Variants in CSNK1G1 observed in about 807,000 individuals in gnomAD.
The protein encoded by CSNK1G1 is casein kinase 1 gamma 1.
Under a neutral mutation model 59.6 loss-of-function variants are expected in CSNK1G1, and 22 were observed. That is an observed-to-expected ratio of 0.37 (90% CI 0.26 to 0.53). The LOEUF (loss-of-function observed/expected upper bound fraction) is 0.53, where lower values mean the gene tolerates loss of function less well. CSNK1G1 is among the 20% of genes least tolerant of loss of function. The pLI is 0.89. For synonymous variants in CSNK1G1, 179 were observed against 177.1 expected (o/e 1.01, Z -0.08); for missense variants, 384 against 519.5 (o/e 0.74, Z 2.54).
intron 1 of CSNK1G1, among the ~76,000 whole-genome samples, chr15:64,325,486 C>A (rs1435468854): frequency 6.6e-6 from 1 of 152,046 alleles, no homozygotes; most frequent in African/African-American, 2.4e-5. Context: ...TTACTTCATA[C>A]CAAGAGAAAC....
intron 3 of CSNK1G1, among the ~76,000 whole-genome samples, chr15:64,256,522 T>A (rs776961434): frequency 1.3e-5 from 2 of 152,158 alleles, no homozygotes; most frequent in East Asian, 3.8e-4. Flanking sequence ...GCTCAGCCAA[T>A]TGGGCTTCAA....
intron 2 of CSNK1G1, among the ~76,000 whole-genome samples, chr15:64,296,607 G>A (rs1161839361): frequency 6.6e-6 from 1 of 152,154 alleles, no homozygotes; most frequent in African/African-American, 2.4e-5. Context: ...GCTCACGCCT[G>A]TAATCCTAGC....
At position 64,314,195 on chromosome 15, in the gene CSNK1G1, C is replaced by T. The variant is rs113346290; in HGVS notation, c.-224-13472G>A. On this transcript the variant is annotated intron_variant, in intron 1 of 11. Coordinates refer to ENST00000303052, the MANE Select transcript of CSNK1G1 (RefSeq NM_022048.5). ...TCACAGGTGAGATCACAGTGCAATG[C>T]AGCCTTGAACACATGGGTTCAACAG... Among the ~76,000 whole-genome samples, 951 of 152,294 alleles carry T rather than the reference C, an allele frequency of 6.2e-3. 11 individuals carry two copies. Among genetic ancestry groups the T allele is most frequent in the African/African-American group, 0.015 (611 of 41,542 alleles).
intron 9 of CSNK1G1, 54 bp from the exon 10 acceptor site, chr15:64,203,243 T>C: frequency 8.4e-6 from 9 of 1,066,824 alleles, no homozygotes; most frequent in Non-Finnish European, 1.3e-5. Flanking sequence ...ACTTGATGCA[T>C]ATGCAAAGGA....
rs1226196704 is a variant in CSNK1G1, at chr15:64,337,280, A to T, written c.-225+18708T>A. 9.2e-5 allele frequency among the ~76,000 whole-genome samples: 14 copies of T among 152,248 alleles called. No homozygotes were observed. In the East Asian group the frequency reaches 2.7e-3, roughly 29 times the overall value. ...CAAGCAGAACTCATAGAAACATATG[A>T]CAAAAAAATGAGAGTGAAACTTCAT... On this transcript the variant is annotated intron_variant, in intron 1 of 11. Transcript: ENST00000303052.
Position 64,168,161 on chromosome 15 carries a change from C to T in CSNK1G1, c.*3770G>A, listed in dbSNP as rs1352591766. ...AACATGTCTAGAAACCTCAGGATCT[C>T]TGCTGTCATCTGTAGCTCATGCATT... is the stretch of plus-strand genomic sequence containing the variant. On this transcript the variant is annotated 3_prime_UTR_variant, in exon 12 of 12. Coordinates refer to ENST00000303052, the MANE Select transcript of CSNK1G1 (RefSeq NM_022048.5). 1 of 152,682 alleles carries T rather than the reference C, an allele frequency of 6.5e-6. No individual in the cohort carries two copies. Among genetic ancestry groups the T allele is most frequent in the Admixed American group, 6.5e-5 (1 of 15,288 alleles). The allele number at this position is 152,682 out of a possible 1,614,324, so 9.5% of individuals were successfully genotyped here.
chr15:64,222,773 T>C (rs892513639), intron 4 of CSNK1G1, among the ~76,000 whole-genome samples: 2 of 151,894 alleles, frequency 1.3e-5, no homozygotes, highest in African/African-American at 4.8e-5. Flanking sequence ...CCACAAGTGA[T>C]TCTGATGTGT....
intron 4 of CSNK1G1, among the ~76,000 whole-genome samples, chr15:64,231,691 C>G (rs373107237): frequency 6.6e-6 from 1 of 151,984 alleles, no homozygotes; most frequent in Non-Finnish European, 1.5e-5. Flanking sequence ...TAAAGCTCAG[C>G]CCCATACATG....
At chr15:64,304,383 C>CAAAAA (rs3057017) in intron 1 of CSNK1G1, among the ~76,000 whole-genome samples, 2 of 70,726 alleles carry the variant, frequency 2.8e-5, no homozygotes, top group African/African-American at 5.2e-5. Context: ...AACTCCACCT[C>CAAAAA]AAAAAAAAAA....
At chr15:64,189,815 C>CA (rs2081946713) in intron 10 of CSNK1G1, among the ~76,000 whole-genome samples, 2 of 127,318 alleles carry the variant, frequency 1.6e-5, no homozygotes, top group Non-Finnish European at 3.3e-5. Context: ...CTACAATTTA[C>CA]TTTTTTTTTT....
intron 1 of CSNK1G1, among the ~76,000 whole-genome samples, chr15:64,335,319 C>T (rs564342784): frequency 6.6e-6 from 1 of 152,180 alleles, no homozygotes; most frequent in East Asian, 1.9e-4. Context: ...CAAGATGAAG[C>T]CAGTATTGAG....
chr15:64,183,792 G>GT (rs1482893955), intron 10 of CSNK1G1, among the ~76,000 whole-genome samples: 1 of 149,998 alleles, frequency 6.7e-6, no homozygotes, highest in Non-Finnish European at 1.5e-5. Flanking sequence ...CTGCAGTGCA[G>GT]TGGCGTGATC....
intron 1 of CSNK1G1, 129 bp downstream of exon 1, chr15:64,355,859 C>T (rs1204440319): frequency 3.3e-5 from 5 of 153,264 alleles, no homozygotes; most frequent in Non-Finnish European, 7.3e-5. Context: ...AAACGCCAGC[C>T]TGCGCCCCAC....
chr15:64,340,713 G>T (rs1027374282), intron 1 of CSNK1G1, among the ~76,000 whole-genome samples: 3 of 152,224 alleles, frequency 2.0e-5, no homozygotes, highest in South Asian at 2.1e-4. Context: ...CAGCACTTTG[G>T]GGGGCCGAGG....
At chr15:64,235,313 T>A (rs1445593059) in intron 4 of CSNK1G1, among the ~76,000 whole-genome samples, 1 of 152,254 alleles carries the variant, frequency 6.6e-6, no homozygotes, top group Non-Finnish European at 1.5e-5. Context: ...CATATATAGC[T>A]GCTCTACCTC....
At chr15:64,320,227 G>A (rs1362583226) in intron 1 of CSNK1G1, among the ~76,000 whole-genome samples, 1 of 151,796 alleles carries the variant, frequency 6.6e-6, no homozygotes, top group East Asian at 1.9e-4. Flanking sequence ...CACCGAAACA[G>A]GCACACGTCA....
rs903387450 is a variant in CSNK1G1, at chr15:64,246,333, T to C, written c.292+5179A>G. On this transcript the variant is annotated intron_variant, in intron 4 of 11. Coordinates refer to ENST00000303052, the MANE Select transcript of CSNK1G1 (RefSeq NM_022048.5). ...CATTTGTGAAGTTTCAACTGGGGTC[T>C]TGTTAAGGCTGGACACAGTGGTTCA... 3.7e-4 allele frequency among the ~76,000 whole-genome samples: 57 copies of C among 152,298 alleles called. 1 individual carries two copies. The highest frequency in any genetic ancestry group is 1.2e-3 in the African/African-American group (50 of 41,560).
At chr15:64,172,761 C>A (rs1266027850) in intron 11 of CSNK1G1, among the ~76,000 whole-genome samples, 1 of 152,124 alleles carries the variant, frequency 6.6e-6, no homozygotes, top group Non-Finnish European at 1.5e-5. Context: ...ATGAACTGGC[C>A]TTGTTTAGGA....
At chr15:64,254,971 C>T (rs1056257773) in intron 3 of CSNK1G1, among the ~76,000 whole-genome samples, 2 of 152,176 alleles carry the variant, frequency 1.3e-5, no homozygotes, top group Admixed American at 1.3e-4. Flanking sequence ...TTGTTGAATA[C>T]AATGTAAAGT....
Sources: allele counts gnomAD v4.1 joint callset (sites outside exome capture counted in the v4.1 genomes callset), GRCh38; gene constraint gnomAD v4.1.1; transcripts MANE v1.5; gene names NCBI Gene and HGNC (gene_info 2026-07-23, HGNC 2026-07-21).